CFAP77: variants seen among roughly 807,000 people sequenced by gnomAD.
CFAP77 encodes cilia and flagella associated protein 77.
CFAP77 carries 25 observed loss-of-function variants against 31.1 expected under a neutral mutation model. The ratio of observed to expected loss-of-function variants is 0.80; its 90% CI spans 0.59 to 1.12. The LOEUF (loss-of-function observed/expected upper bound fraction) is 1.12, where lower values mean the gene tolerates loss of function less well. CFAP77 is among the 50% of genes most tolerant of loss of function. The pLI, the probability that CFAP77 is intolerant of heterozygous loss-of-function variation, is 0.00. For missense variants in CFAP77, 377 were observed against 397.3 expected (o/e 0.95, Z 0.44); for synonymous variants, 151 against 159.9 (o/e 0.94, Z 0.42).
At chr9:132,521,778 T>TTTTGTTTTTTG (rs1554747338) in intron 3 of CFAP77, among the ~76,000 whole-genome samples, 12 of 106,118 alleles carry the variant, frequency 1.1e-4, no homozygotes, top group Admixed American at 6.8e-4. Flanking sequence ...TTTTTTTTTT[T>TTTTGTTTTTTG]TTTTTTGAGA....
rs182098131 is a variant in CFAP77 at position 132,520,862 on chromosome 9, G to T, written c.525-16739G>T. On this transcript the variant is annotated intron_variant, in intron 3 of 5. Transcript: ENST00000393216. Reference sequence around the variant, plus strand: ...TTCCTCTCTCCCTGGGCTCTGAAGAGCCTCGAAGGCCAGGAGGGCCGTGCT... The same window carrying T: ...TTCCTCTCTCCCTGGGCTCTGAAGATCCTCGAAGGCCAGGAGGGCCGTGCT... 2.0e-4 allele frequency among the ~76,000 whole-genome samples: 30 copies of T among 152,350 alleles called. No individual in the cohort carries two copies. In the East Asian group the frequency reaches 5.4e-3, roughly 27 times the overall value.
intron 3 of CFAP77, among the ~76,000 whole-genome samples, chr9:132,529,804 A>G (rs182030950): frequency 0.068 from 10,209 of 149,474 alleles, 433 homozygotes; most frequent in South Asian, 0.12. Context: ...CCAGCCTGGC[A>G]ACAGACCAAG....
intron 3 of CFAP77, among the ~76,000 whole-genome samples, chr9:132,524,495 C>T (rs1852320855): frequency 6.6e-6 from 1 of 151,726 alleles, no homozygotes; most frequent in Non-Finnish European, 1.5e-5. Context: ...AGCCTGTAAT[C>T]TCAGCTACTC....
At position 132,424,447 on chromosome 9, in the gene CFAP77, G is replaced by A. The variant is rs911282680; in HGVS notation, c.195+13981G>A. Among the ~76,000 whole-genome samples the A allele has an allele frequency of 5.3e-5, 8 of 152,278 alleles. No homozygotes were observed. The East Asian group carries it at 1.5e-3, about 29-fold the overall frequency. On this transcript the variant is annotated intron_variant, in intron 1 of 5. Transcript: ENST00000393216. The surrounding 1 kb of genome is among the most constrained non-coding windows in gnomAD (Gnocchi z 4.1). The stretch of plus-strand genomic sequence containing the variant: ...AGGAAGAGGGAGCAGCCCTGGCCTG[G>A]CCTGGTCCAGAAAGACCTGTGGAAT...
chr9:132,521,194 C>A (rs1011806547), intron 3 of CFAP77, among the ~76,000 whole-genome samples: 1 of 152,196 alleles, frequency 6.6e-6, no homozygotes, highest in East Asian at 1.9e-4. Flanking sequence ...GACTTAATGG[C>A]TGATCTTCCC....
At chr9:132,514,659 A>C (rs1852113881) in intron 3 of CFAP77, among the ~76,000 whole-genome samples, 2 of 152,156 alleles carry the variant, frequency 1.3e-5, no homozygotes, top group Admixed American at 1.3e-4. Flanking sequence ...AAAAGTGTTA[A>C]CACGTTGCAA....
In CFAP77 at chr9:132,481,046, C is replaced by CA. The variant is rs1400422099; in HGVS notation, c.196-17648dup. ...AGCACCAAACAAAATCTTACACATC[C>CA]AGTTGCTTTAAAATATCTCCAACAA... On this transcript the variant is annotated intron_variant, in intron 1 of 5. Transcript: ENST00000393216. The surrounding 1 kb of genome is among the most constrained non-coding windows in gnomAD (Gnocchi z 5.0). Among the ~76,000 whole-genome samples the CA allele has an allele frequency of 6.6e-6, 1 of 152,154 alleles. No homozygotes were observed. Among genetic ancestry groups the CA allele is most frequent in the Non-Finnish European group, 1.5e-5 (1 of 68,030 alleles).
At chr9:132,428,548 G>C (rs1207073222) in intron 1 of CFAP77, among the ~76,000 whole-genome samples, 1 of 152,166 alleles carries the variant, frequency 6.6e-6, no homozygotes, top group Non-Finnish European at 1.5e-5. Context: ...CCGGGAGGCG[G>C]AGGTTGTAGT....
chr9:132,548,191 C>T (rs1399220236), intron 5 of CFAP77, among the ~76,000 whole-genome samples: 3 of 145,606 alleles, frequency 2.1e-5, no homozygotes, highest in South Asian at 2.2e-4. Flanking sequence ...GAGAAGCACC[C>T]GAGCATCTCT....
At chr9:132,425,462 C>T (rs1342750133) in intron 1 of CFAP77, among the ~76,000 whole-genome samples, 1 of 151,944 alleles carries the variant, frequency 6.6e-6, no homozygotes, top group Admixed American at 6.6e-5. Flanking sequence ...ATTTAAATGA[C>T]TATGGTAATC....
At position 132,507,679 on chromosome 9, in the gene CFAP77, C is replaced by T. The variant is rs372042366; in HGVS notation, c.524+8079C>T. ...TTTTGTTTCTCCTGGATCCGATGGC[C>T]AAAAAAATCCAAGCCACCCACCCAA... On this transcript the variant is annotated intron_variant, in intron 3 of 5. Coordinates refer to ENST00000393216, the MANE Select transcript of CFAP77 (RefSeq NM_001282957.2). 4.0e-4 allele frequency among the ~76,000 whole-genome samples: 61 copies of T among 152,132 alleles called. No individual in the cohort carries two copies. In the South Asian group the frequency reaches 0.011, roughly 28 times the overall value.
intron 1 of CFAP77, among the ~76,000 whole-genome samples, chr9:132,476,518 G>A (rs939813380): frequency 4.6e-5 from 7 of 152,160 alleles, no homozygotes; most frequent in African/African-American, 1.4e-4. Flanking sequence ...TACTGGGATG[G>A]TTCCCACGAG....
chr9:132,533,937 T>G (rs1050835044), intron 3 of CFAP77, among the ~76,000 whole-genome samples: 4 of 152,188 alleles, frequency 2.6e-5, no homozygotes, highest in Non-Finnish European at 5.9e-5. Context: ...GTCTAGAGGC[T>G]TGATTACATT....
At position 132,433,320 on chromosome 9, in the gene CFAP77, C is replaced by T. The variant is rs143908395; in HGVS notation, c.195+22854C>T. 6.0e-4 allele frequency among the ~76,000 whole-genome samples: 91 copies of T among 152,292 alleles called. 1 individual carries two copies. The highest frequency in any genetic ancestry group is 2.0e-3 in the African/African-American group (82 of 41,556). On this transcript the variant is annotated intron_variant, in intron 1 of 5. Transcript: ENST00000393216. ...GGCTGCTGGGTTTCTGTTTGCCAGCCGTACTCGTGTGTGAGCTCTTCTAGC... is the reference window on the plus strand; with the variant it reads ...GGCTGCTGGGTTTCTGTTTGCCAGCTGTACTCGTGTGTGAGCTCTTCTAGC...
At chr9:132,507,181 C>G (rs771061469) in intron 3 of CFAP77, among the ~76,000 whole-genome samples, 3 of 152,238 alleles carry the variant, frequency 2.0e-5, no homozygotes, top group Non-Finnish European at 4.4e-5. Flanking sequence ...CCAGAACTTT[C>G]ACCACGCTGG....
In CFAP77 at chr9:132,554,214, G is replaced by C. The variant is rs1032288368; in HGVS notation, c.732+11167G>C. Among the ~76,000 whole-genome samples the C allele has an allele frequency of 6.6e-6, 1 of 152,184 alleles. No individual in the cohort carries two copies. The highest frequency in any genetic ancestry group is 1.5e-5 in the Non-Finnish European group (1 of 68,030). On this transcript the variant is annotated intron_variant, in intron 5 of 5. Coordinates refer to ENST00000393216, the MANE Select transcript of CFAP77 (RefSeq NM_001282957.2). This position sits in a 1 kb window ranked among gnomAD's most constrained non-coding sequence, Gnocchi z 4.1. ...CTTCTGTTGTGGAAAAAACATGCTC[G>C]ACGTGATGGAATGTGCTCCGTTTGG...
chr9:132,439,841 T>C (rs1356305885), intron 1 of CFAP77, among the ~76,000 whole-genome samples: 4 of 110,656 alleles, frequency 3.6e-5, no homozygotes, highest in East Asian at 2.7e-4. Context: ...AGAGCGAGAC[T>C]CCGTCTCAAA....
Position 132,517,659 on chromosome 9 carries a change from G to A in CFAP77, c.524+18059G>A, listed in dbSNP as rs1430277583. ...GCTCCACAAAGTTTTAATGAGCAGC[G>A]AAGATGAAGATGGGTTGCCATGAAA... On this transcript the variant is annotated intron_variant, in intron 3 of 5. Coordinates refer to ENST00000393216, the MANE Select transcript of CFAP77 (RefSeq NM_001282957.2). The surrounding 1 kb of genome is among the most constrained non-coding windows in gnomAD (Gnocchi z 4.7). Among the ~76,000 whole-genome samples the A allele has an allele frequency of 1.3e-5, 2 of 152,238 alleles. No individual in the cohort carries two copies. The highest frequency in any genetic ancestry group is 2.9e-5 in the Non-Finnish European group (2 of 68,054).
chr9:132,484,490 G>A (rs1366632144), intron 1 of CFAP77, among the ~76,000 whole-genome samples: 1 of 152,152 alleles, frequency 6.6e-6, no homozygotes, highest in East Asian at 1.9e-4. Flanking sequence ...CATACATGTG[G>A]CCTTTTGTGC....
Sources: gnomAD v4.1 joint callset for allele counts (sites outside exome capture counted in the v4.1 genomes callset) on GRCh38, gnomAD v4.1.1 for gene constraint, Gnocchi (gnomAD v3.1) non-coding constraint, MANE v1.5 for transcripts, NCBI Gene and HGNC (gene_info 2026-07-23, HGNC 2026-07-21) for gene names.